ZNF33A: variants seen among roughly 807,000 people sequenced by gnomAD.
ZNF33A encodes the protein brain my041 protein.
ZNF33A carries 9 observed loss-of-function variants against 15.9 expected under a neutral mutation model. The ratio of observed to expected loss-of-function variants is 0.57; its 90% CI spans 0.34 to 0.99. ZNF33A has a LOEUF of 0.99. Among genes scored for constraint, ZNF33A ranks in the 50% least tolerant of loss-of-function variants. The pLI is 0.02. For synonymous variants in ZNF33A, 294 were observed against 324.2 expected, an observed-to-expected ratio of 0.91 and a Z score of 1.00; for missense variants, 843 against 941.6, an observed-to-expected ratio of 0.90 and a Z score of 1.37.
chr10:38,055,787 T>C lies in ZNF33A; in HGVS notation c.1663T>C (p.Cys555Arg). The C allele has an allele frequency of 1.3e-6, 2 of 1,585,732 alleles. No homozygotes were observed. Among genetic ancestry groups the C allele is most frequent in the Non-Finnish European group, 1.7e-6 (2 of 1,161,708 alleles). The change falls in exon 5 of 5, where the codon TGT (cysteine) becomes CGT (arginine). Residue 555 changes from cysteine to arginine, a missense_variant. Cys to Arg is a radical substitution (Grantham distance 180, BLOSUM62 -3). Transcript: ENST00000432900. ...RTHTGQKPFA[C>R]PECGKFFSHK... ...ACACACAGGGCAGAAACCCTTTGCA[T>C]GTCCCGAATGTGGGAAATTCTTTAG...
intron 4 of ZNF33A, among the ~76,000 whole-genome samples, chr10:38,028,470 ATTT>A (rs140172399): frequency 7.3e-6 from 1 of 136,926 alleles, no homozygotes; most frequent in Non-Finnish European, 1.6e-5. Context: ...TGTTTTGTTG[ATTT>A]TTTTTTTTTT....
In ZNF33A at chr10:38,055,621, T is replaced by C. The variant is rs2066437989; in HGVS notation, c.1497T>C (p.Cys499=). ...ACATAGGAGATAAATCTTATGAATG[T>C]AATGCATGTGGGAAAACTTTCTACC... ...RIHIGDKSYE[C]NACGKTFYHK... The change falls in exon 5 of 5, where the codon TGT becomes TGC. Residue 499 remains cysteine (C), a synonymous_variant. Coordinates refer to ENST00000432900, the MANE Select transcript of ZNF33A (RefSeq NM_006954.2). The C allele has an allele frequency of 6.2e-7, 1 of 1,614,134 alleles. No individual in the cohort carries two copies. Among genetic ancestry groups the C allele is most frequent in the East Asian group, 2.2e-5 (1 of 44,860 alleles).
chr10:38,043,231 A>C (rs2065786243), intron 4 of ZNF33A, among the ~76,000 whole-genome samples: 1 of 151,914 alleles, frequency 6.6e-6, no homozygotes, highest in South Asian at 2.1e-4. Context: ...CATCATTCTC[A>C]GCAAACTGTC....
chr10:38,023,194 T>C (rs2064833865), intron 4 of ZNF33A, among the ~76,000 whole-genome samples: 1 of 152,186 alleles, frequency 6.6e-6, no homozygotes, highest in Admixed American at 6.5e-5. Context: ...TCTGTCCACG[T>C]TGGTCTCCCA....
Position 38,055,667 on chromosome 10 carries a change from C to T in ZNF33A, c.1543C>T (p.His515Tyr), listed in dbSNP as rs1417557460. 2.5e-6 allele frequency: 4 copies of T among 1,613,848 alleles called. No individual in the cohort carries two copies. The highest frequency in any genetic ancestry group is 3.4e-6 in the Non-Finnish European group (4 of 1,179,990). Residue 515 changes from histidine to tyrosine, a missense_variant, in exon 5 of 5, where the codon CAT (histidine) becomes TAT (tyrosine). Transcript: ENST00000432900. Reference protein sequence around the residue: ...TFYHKSLLTRHQIIHTGWKPY... With the variant: ...TFYHKSLLTRYQIIHTGWKPY... ...CTACCACAAGTCATTACTCACCAGG[C>T]ATCAGATAATTCATACAGGGTGGAA...
Position 38,057,998 on chromosome 10 carries a change from A to G in ZNF33A, c.*1438A>G, listed in dbSNP as rs2066554124. The G allele has an allele frequency of 1.0e-6, 1 of 984,120 alleles. No homozygotes were observed. The highest frequency in any genetic ancestry group is 1.2e-6 in the Non-Finnish European group (1 of 828,778). The allele number at this position is 984,120 out of a possible 1,614,324, so 61.0% of individuals were successfully genotyped here. A position where few individuals can be genotyped will look rare whatever the true frequency, so the allele number is the denominator to read the frequency against. Reference sequence around the variant, plus strand: ...TGGGGCTTTTATTGATAGTGTGAAGATTGTACACTATATTACATGATCAGA... The same window carrying G: ...TGGGGCTTTTATTGATAGTGTGAAGGTTGTACACTATATTACATGATCAGA... On this transcript the variant is annotated 3_prime_UTR_variant, in exon 5 of 5. Coordinates refer to ENST00000432900, the MANE Select transcript of ZNF33A (RefSeq NM_006954.2).
chr10:38,046,204 G>C (rs956946039), intron 4 of ZNF33A, among the ~76,000 whole-genome samples: 1 of 152,182 alleles, frequency 6.6e-6, no homozygotes, highest in Non-Finnish European at 1.5e-5. Context: ...GATGCACACA[G>C]AGAGAGGTCT....
chr10:38,038,737 C>A (rs1316683438), intron 4 of ZNF33A, among the ~76,000 whole-genome samples: 1 of 152,118 alleles, frequency 6.6e-6, no homozygotes, highest in African/African-American at 2.4e-5. Flanking sequence ...TGCCTTTAAT[C>A]AGGCTGAGGA....
At chr10:38,013,358 C>T (rs1365010679) in intron 2 of ZNF33A, among the ~76,000 whole-genome samples, 1 of 151,150 alleles carries the variant, frequency 6.6e-6, no homozygotes, top group East Asian at 2.0e-4. Context: ...ATCTGCTCTC[C>T]TCAGCCTCCC....
At chr10:38,043,509 T>TA (rs150377453) in intron 4 of ZNF33A, among the ~76,000 whole-genome samples, 78,235 of 149,324 alleles carry the variant, frequency 0.52, 20,638 homozygotes, top group South Asian at 0.71. Flanking sequence ...ATAATAAAAT[T>TA]AAAAAAAAAA....
At chr10:38,032,004 T>C (rs1476311727) in intron 4 of ZNF33A, among the ~76,000 whole-genome samples, 1 of 152,086 alleles carries the variant, frequency 6.6e-6, no homozygotes, top group Non-Finnish European at 1.5e-5. Context: ...GACAAAAACA[T>C]ATTGTATACT....
chr10:38,064,073 C>T (rs2066686947), downstream of ZNF33A: 2 of 1,596,468 alleles, frequency 1.3e-6, no homozygotes, highest in Non-Finnish European at 1.7e-6. Context: ...TCTCACCATC[C>T]TTACTCCCTC....
At chr10:38,066,150 C>A (rs2066707996), downstream of ZNF33A, among the ~76,000 whole-genome samples, 1 of 152,152 alleles carries the variant, frequency 6.6e-6, no homozygotes, top group South Asian at 2.1e-4. Context: ...AAACCCTGAC[C>A]ATAGGCTTTT....
chr10:38,029,814 A>C (rs2065136648), intron 4 of ZNF33A, among the ~76,000 whole-genome samples: 2 of 152,218 alleles, frequency 1.3e-5, no homozygotes, highest in African/African-American at 4.8e-5. Flanking sequence ...AATTTGAGGA[A>C]GAGCCAGTAA....
chr10:38,054,772 G>T lies in ZNF33A; in HGVS notation c.648G>T (p.Glu216Asp), dbSNP rs752534992. 1 of 1,613,562 alleles carries T rather than the reference G, an allele frequency of 6.2e-7. No homozygotes were observed. Among genetic ancestry groups the T allele is most frequent in the Admixed American group, 1.7e-5 (1 of 59,976 alleles). Residue 216 changes from glutamate to aspartate, a missense_variant, in exon 5 of 5, where the codon GAG becomes GAT. Physicochemically the swap from Glu to Asp is conservative, Grantham distance 45. Coordinates refer to ENST00000432900, the MANE Select transcript of ZNF33A (RefSeq NM_006954.2). ...AGCATGAGAAGATTCAAACTTTAGA[G>T]CACAATTTTGAATACAGTATATGTC... ...TLQHEKIQTL[E>D]HNFEYSICQE...
downstream of ZNF33A, chr10:38,063,968 C>A: frequency 1.1e-6 from 1 of 930,148 alleles, no homozygotes; most frequent in East Asian, 2.5e-5. Context: ...TCTGTGGTGC[C>A]TGCAGGACAG....
chr10:38,038,832 T>G (rs895296116), intron 4 of ZNF33A, among the ~76,000 whole-genome samples: 1 of 152,226 alleles, frequency 6.6e-6, no homozygotes, highest in African/African-American at 2.4e-5. Flanking sequence ...CTCTGTATAC[T>G]GAGATGATCA....
At position 38,055,975 on chromosome 10, in the gene ZNF33A, C is replaced by T. The variant is rs1373933993; in HGVS notation, c.1851C>T (p.Ala617=). ...ATGAATGTAATGAATGTGGAAAAGC[C>T]TTCTACCAGAAGTCACAACTCACTC... is the stretch of plus-strand genomic sequence containing the variant. The part of the protein sequence containing the change: ...KPYECNECGK[A]FYQKSQLTQH... The change falls in exon 5 of 5, where the codon GCC becomes GCT. Residue 617 remains alanine (A), a synonymous_variant. Transcript: ENST00000432900. The T allele has an allele frequency of 6.2e-7, 1 of 1,613,624 alleles. No individual in the cohort carries two copies. The highest frequency in any genetic ancestry group is 8.5e-7 in the Non-Finnish European group (1 of 1,179,896).
chr10:38,040,493 G>T (rs633400), intron 4 of ZNF33A, among the ~76,000 whole-genome samples: 53 of 152,096 alleles, frequency 3.5e-4, no homozygotes, highest in Middle Eastern at 3.2e-3. Context: ...GTAGTACATA[G>T]GCTTAGAATT....
Sources: gnomAD v4.1 joint callset for allele counts (sites outside exome capture counted in the v4.1 genomes callset) on GRCh38, gnomAD v4.1.1 for gene constraint, MANE v1.5 for transcripts, NCBI Gene and HGNC (gene_info 2026-07-23, HGNC 2026-07-21) for gene names.